The following KCNMA1 variants were observed in gnomAD, a reference collection of about 807,000 sequenced individuals.
KCNMA1 encodes Calcium-activated potassium channel subunit alpha-1.
Under a neutral mutation model 140.0 loss-of-function variants are expected in KCNMA1, and 29 were observed. That is an observed-to-expected ratio of 0.21 (90% CI 0.15 to 0.28). KCNMA1 has a LOEUF of 0.28. Ranked by LOEUF, KCNMA1 falls within the 10% of genes least tolerant of loss-of-function variation. The pLI is 1.00. For missense variants in KCNMA1, 880 were observed against 1,602.2 expected, an observed-to-expected ratio of 0.55 and a Z score of 7.70; for synonymous variants, 612 against 611.9, an observed-to-expected ratio of 1.00 and a Z score of 0.00.
chr10:76,888,389 T>A (rs1181588636), intron 27 of KCNMA1: 2 of 152,190 alleles, frequency 1.3e-5, no homozygotes, highest in East Asian at 1.9e-4. Context: ...AATGTTTACA[T>A]AATTTAAAAT....
At chr10:77,170,447 C>T (rs992443553) in intron 5 of KCNMA1, among the ~76,000 whole-genome samples, 2 of 151,016 alleles carry the variant, frequency 1.3e-5, no homozygotes, top group African/African-American at 4.9e-5. Flanking sequence ...AGGTGAGGCT[C>T]CATCCCTGGG....
intron 2 of KCNMA1, among the ~76,000 whole-genome samples, chr10:77,318,916 T>A (rs2081584002): frequency 6.6e-6 from 1 of 152,004 alleles, no homozygotes; most frequent in South Asian, 2.1e-4. Context: ...CCCCACATCC[T>A]CCCCTGGCTG....
chr10:77,453,548 T>C (rs1027179911), intron 1 of KCNMA1, among the ~76,000 whole-genome samples: 1 of 152,140 alleles, frequency 6.6e-6, no homozygotes, highest in South Asian at 2.1e-4. Context: ...AGAAACGAAG[T>C]GAGCCCTACA....
At chr10:76,925,064 TTTAG>T (rs1160926236) in intron 23 of KCNMA1, among the ~76,000 whole-genome samples, 1 of 151,976 alleles carries the variant, frequency 6.6e-6, no homozygotes, top group East Asian at 1.9e-4. Context: ...ACTTCTCACA[TTTAG>T]TTACTTTATG....
intron 1 of KCNMA1, among the ~76,000 whole-genome samples, chr10:77,450,270 G>A (rs909408551): frequency 6.0e-5 from 9 of 150,346 alleles, no homozygotes; most frequent in African/African-American, 2.2e-4. Flanking sequence ...TGGCCAGGTT[G>A]GTCTCGAACT....
intron 5 of KCNMA1, chr10:77,140,780 G>T: frequency 6.6e-6 from 1 of 152,522 alleles, no homozygotes; most frequent in Non-Finnish European, 1.5e-5. Context: ...GTTAAGAGGG[G>T]CGGGGGAAGC....
intron 25 of KCNMA1, among the ~76,000 whole-genome samples, chr10:76,894,796 T>A (rs1433145210): frequency 3.9e-5 from 6 of 152,120 alleles, no homozygotes; most frequent in African/African-American, 1.4e-4. Flanking sequence ...AGAATAGCTG[T>A]AATAAAAAAG....
chr10:77,101,536 A>G (rs2097097939), intron 9 of KCNMA1, among the ~76,000 whole-genome samples: 1 of 152,064 alleles, frequency 6.6e-6, no homozygotes, highest in African/African-American at 2.4e-5. Context: ...CTTCCTGGTG[A>G]TATGTTGATG....
At chr10:77,527,283 A>G (rs1035006273) in intron 1 of KCNMA1, among the ~76,000 whole-genome samples, 1 of 152,210 alleles carries the variant, frequency 6.6e-6, no homozygotes, top group Non-Finnish European at 1.5e-5. Flanking sequence ...CTCCCCATCC[A>G]TAGCCAGGCC....
intron 14 of KCNMA1, among the ~76,000 whole-genome samples, chr10:77,072,188 T>C (rs2096239881): frequency 6.6e-6 from 1 of 152,248 alleles, no homozygotes; most frequent in Non-Finnish European, 1.5e-5. Context: ...AGAGGCAAGA[T>C]GTAAGCCCAG....
chr10:77,003,025 GA>G (rs972466840), intron 18 of KCNMA1, among the ~76,000 whole-genome samples: 3 of 152,190 alleles, frequency 2.0e-5, no homozygotes, highest in African/African-American at 7.2e-5. Flanking sequence ...TCACCAGGAA[GA>G]GGGGTTTAAA....
intron 1 of KCNMA1, among the ~76,000 whole-genome samples, chr10:77,465,645 C>T (rs1291970977): frequency 3.3e-5 from 5 of 152,182 alleles, no homozygotes; most frequent in South Asian, 2.1e-4. Flanking sequence ...AGCACCCTAT[C>T]GGCACCTGGC....
In KCNMA1 at chr10:77,194,312, T is replaced by C. The variant is rs537121036; in HGVS notation, c.603-9396A>G. 1.2e-4 allele frequency among the ~76,000 whole-genome samples: 18 copies of C among 152,326 alleles called. 1 individual carries two copies. Among genetic ancestry groups the C allele is most frequent in the African/African-American group, 4.1e-4 (17 of 41,584 alleles). ...GACTGTCAAATCACTGTGGGACTTC[T>C]TTGGGCTGTTACTAGATGCAGACTT... On this transcript the variant is annotated intron_variant, in intron 3 of 27. Transcript: ENST00000286628.
intron 2 of KCNMA1, among the ~76,000 whole-genome samples, chr10:77,277,288 G>A (rs1321982233): frequency 6.6e-6 from 1 of 152,168 alleles, no homozygotes; most frequent in East Asian, 1.9e-4. Context: ...GCTCCCTGGG[G>A]TTCAGACTTG....
rs1158264663 is a variant in KCNMA1 at position 77,436,994 on chromosome 10, A to ACACACACG, written c.379-32972_379-32971insCGTGTGTG. ...CACACACACACACACACACACACAC[A>ACACACACG]CACTCCTTCAGCCAAAATGTTCCAC... On this transcript the variant is annotated intron_variant, in intron 1 of 27. Coordinates refer to ENST00000286628, the MANE Select transcript of KCNMA1 (RefSeq NM_001161352.2). 2.4e-5 allele frequency among the ~76,000 whole-genome samples: 3 copies of ACACACACG among 126,606 alleles called. No homozygotes were observed. The East Asian group carries it at 7.9e-4, about 33-fold the overall frequency. 83.1% of individuals were successfully genotyped at this position (126,606 alleles called of 152,430 possible).
chr10:77,391,593 C>T (rs1230802603), intron 2 of KCNMA1, among the ~76,000 whole-genome samples: 2 of 150,208 alleles, frequency 1.3e-5, no homozygotes, highest in Non-Finnish European at 1.5e-5. Flanking sequence ...CTGTTGTTGT[C>T]ATTTCCCTGA....
intron 2 of KCNMA1, among the ~76,000 whole-genome samples, chr10:77,300,859 C>A (rs925559622): frequency 6.6e-6 from 1 of 152,150 alleles, no homozygotes; most frequent in African/African-American, 2.4e-5. Flanking sequence ...CTTGCCAGAT[C>A]CTTAGGGAGC....
chr10:76,962,947 C>A (rs979822914), intron 20 of KCNMA1, among the ~76,000 whole-genome samples: 2 of 152,178 alleles, frequency 1.3e-5, no homozygotes, highest in Non-Finnish European at 2.9e-5. Flanking sequence ...GTTCTTGCAT[C>A]ATTTTTCATT....
At chr10:77,411,044 C>T (rs564069255) in intron 1 of KCNMA1, among the ~76,000 whole-genome samples, 1 of 152,288 alleles carries the variant, frequency 6.6e-6, no homozygotes, top group Admixed American at 6.5e-5. Flanking sequence ...TCTCTGTCAC[C>T]CAGGCTGGAG....
Sources: gnomAD v4.1 joint callset for allele counts (sites outside exome capture counted in the v4.1 genomes callset) on GRCh38, gnomAD v4.1.1 for gene constraint, MANE v1.5 for transcripts, NCBI Gene and HGNC (gene_info 2026-07-23, HGNC 2026-07-21) for gene names.